Variants in PAK3 observed in about 807,000 individuals in gnomAD.
PAK3 encodes the protein serine/threonine-protein kinase PAK 3.
A neutral mutation model predicts 41.0 loss-of-function variants in PAK3; 4 were observed. The observed-to-expected ratio is 0.10, with a 90% CI of 0.05 to 0.22. PAK3 has a LOEUF of 0.22. Among genes scored for constraint, PAK3 ranks in the 10% least tolerant of loss-of-function variants. The pLI is 1.00. For missense variants in PAK3, 205 were observed against 409.9 expected (o/e 0.50, Z 4.32); for synonymous variants, 146 against 139.6 (o/e 1.05, Z -0.32).
chrX:111,172,395 G>T (rs765802936), intron 10 of PAK3, among the ~76,000 whole-genome samples: 2 of 111,727 alleles, frequency 1.8e-5, no homozygotes, highest in African/African-American at 6.5e-5. Flanking sequence ...ATGCAGGTTT[G>T]TTACATGGGT....
intron 1 of PAK3, among the ~76,000 whole-genome samples, chrX:111,025,120 C>T (rs977376990): frequency 3.6e-5 from 4 of 110,472 alleles, no homozygotes; most frequent in Non-Finnish European, 7.6e-5. Context: ...ATGACACAAC[C>T]TATGAAAACC....
intron 1 of PAK3, among the ~76,000 whole-genome samples, chrX:111,024,658 A>G (rs2092243549): frequency 9.0e-6 from 1 of 111,202 alleles, no homozygotes; most frequent in African/African-American, 3.3e-5. Flanking sequence ...TTAAACAACT[A>G]CTAGACTTAA....
At chrX:111,085,110 G>A (rs2092870160) in intron 1 of PAK3, among the ~76,000 whole-genome samples, 1 of 112,134 alleles carries the variant, frequency 8.9e-6, no homozygotes, top group South Asian at 3.7e-4. Flanking sequence ...AAAGTACTGA[G>A]TTGGTTTTAG....
chrX:111,007,957 C>T lies in PAK3; in HGVS notation c.-28+63329C>T, dbSNP rs748997898. 2.2e-4 allele frequency among the ~76,000 whole-genome samples: 25 copies of T among 111,573 alleles called. No individual in the cohort carries two copies. In the South Asian group the frequency reaches 2.7e-3, roughly 12 times the overall value. Reference sequence around the variant, plus strand: ...TTACCACTTAATAAGTGTGTGAACTCGGGCAAGTTACTTAACATCTCTGAG... The same window carrying T: ...TTACCACTTAATAAGTGTGTGAACTTGGGCAAGTTACTTAACATCTCTGAG... On this transcript the variant is annotated intron_variant, in intron 1 of 14. Transcript: ENST00000425146.
At chrX:111,034,478 G>C (rs1338793070) in intron 1 of PAK3, among the ~76,000 whole-genome samples, 1 of 111,708 alleles carries the variant, frequency 9.0e-6, no homozygotes, top group African/African-American at 3.3e-5. Context: ...TCTTTGGCTG[G>C]TTTTTTAGTC....
intron 1 of PAK3, among the ~76,000 whole-genome samples, chrX:111,056,345 C>T (rs1207344165): frequency 8.9e-6 from 1 of 112,070 alleles, no homozygotes; most frequent in Non-Finnish European, 1.9e-5. Flanking sequence ...TAGATAAACT[C>T]TTCCATACCT....
intron 8 of PAK3, among the ~76,000 whole-genome samples, chrX:111,161,175 G>C (rs1342829187): frequency 8.9e-6 from 1 of 111,782 alleles, no homozygotes; most frequent in Non-Finnish European, 1.9e-5. Context: ...TTGTGAGATG[G>C]TATCTCACTG....
intron 16 of PAK3, among the ~76,000 whole-genome samples, chrX:111,210,722 C>T (rs2094810387): frequency 8.9e-6 from 1 of 112,007 alleles, no homozygotes; most frequent in Admixed American, 9.5e-5. Context: ...TGCTACCTTC[C>T]ATGGGCTCAC....
chrX:110,987,074 A>G (rs2091557475), intron 1 of PAK3, among the ~76,000 whole-genome samples: 1 of 111,982 alleles, frequency 8.9e-6, no homozygotes, highest in Admixed American at 9.5e-5. Context: ...AGATTGGTCC[A>G]GTCCACTGCC....
chrX:111,073,167 C>T (rs2092759293), intron 1 of PAK3, among the ~76,000 whole-genome samples: 1 of 111,410 alleles, frequency 9.0e-6, no homozygotes, highest in Admixed American at 9.6e-5. Context: ...ATTAGAAACA[C>T]AAGCTCTGTC....
chrX:111,105,107 T>A (rs2093228266), intron 4 of PAK3, among the ~76,000 whole-genome samples: 1 of 111,689 alleles, frequency 9.0e-6, no homozygotes, highest in East Asian at 2.8e-4. Context: ...GCCCTCACCC[T>A]CACACACAAT....
intron 1 of PAK3, among the ~76,000 whole-genome samples, chrX:111,043,939 C>T (rs2092474242): frequency 8.9e-6 from 1 of 112,183 alleles, no homozygotes; most frequent in South Asian, 3.7e-4. Flanking sequence ...AAAGCAGCTA[C>T]ATCCATGCTT....
At chrX:110,980,722 A>C (rs2091433999) in intron 1 of PAK3, among the ~76,000 whole-genome samples, 1 of 112,353 alleles carries the variant, frequency 8.9e-6, no homozygotes, top group Non-Finnish European at 1.9e-5. Flanking sequence ...AGCCATGTAG[A>C]AATATGATTA....
intron 1 of PAK3, among the ~76,000 whole-genome samples, chrX:110,971,277 T>A (rs1237865438): frequency 8.9e-6 from 1 of 112,103 alleles, no homozygotes; most frequent in Non-Finnish European, 1.9e-5. Flanking sequence ...CAACCACTAG[T>A]CTCCAGTTGG....
At chrX:111,125,107 T>A (rs904541678) in intron 5 of PAK3, among the ~76,000 whole-genome samples, 2 of 111,935 alleles carry the variant, frequency 1.8e-5, no homozygotes, top group Non-Finnish European at 3.8e-5. Flanking sequence ...CTGAAAATCC[T>A]AGTGCATGAG....
At chrX:111,027,786 C>T (rs889690830) in intron 1 of PAK3, among the ~76,000 whole-genome samples, 3 of 110,083 alleles carry the variant, frequency 2.7e-5, no homozygotes, top group Non-Finnish European at 5.7e-5. Context: ...AAAAGTACAT[C>T]TACCATTTGA....
intron 11 of PAK3, among the ~76,000 whole-genome samples, chrX:111,177,866 A>T (rs1225111570): frequency 4.5e-5 from 5 of 111,953 alleles, no homozygotes; most frequent in African/African-American, 6.5e-5. Flanking sequence ...CTTTCCTTAA[A>T]TGAGAATGCA....
At chrX:111,113,308 G>T (rs941095592) in intron 4 of PAK3, among the ~76,000 whole-genome samples, 2 of 111,287 alleles carry the variant, frequency 1.8e-5, no homozygotes, top group African/African-American at 6.5e-5. Context: ...TTCCTCACTA[G>T]ACTAGAAGCT....
rs144426378 is a variant in PAK3, at chrX:111,111,805, G to A, written c.-28+8499G>A. ...CTCCCATACTCCTCTGGGCCTCTTG[G>A]CATAGAAATATATCTCTACCCTGAT... On this transcript the variant is annotated intron_variant, in intron 4 of 17. Transcript: ENST00000372007. Among the ~76,000 whole-genome samples the A allele has an allele frequency of 6.3e-5, 7 of 111,705 alleles. No homozygotes were observed. In the East Asian group the frequency reaches 2.0e-3, roughly 32 times the overall value.
Sources: allele counts gnomAD v4.1 joint callset (sites outside exome capture counted in the v4.1 genomes callset), GRCh38; gene constraint gnomAD v4.1.1; transcripts MANE v1.5; gene names NCBI Gene and HGNC (gene_info 2026-07-23, HGNC 2026-07-21).